PABPC1: variants seen among roughly 807,000 people sequenced by gnomAD.
The protein encoded by PABPC1 is poly(A) binding protein cytoplasmic 1, also known as polyadenylate-binding protein 1.
In PABPC1, 4 loss-of-function variants were observed where a neutral mutation model predicts 74.0. The ratio of observed to expected loss-of-function variants is 0.05; its 90% confidence interval spans 0.03 to 0.12. The LOEUF (loss-of-function observed/expected upper bound fraction) is 0.12, where lower values mean the gene tolerates loss of function less well. Among genes scored for constraint, PABPC1 ranks in the 10% least tolerant of loss-of-function variants. PABPC1 has a pLI of 1.00. For synonymous variants in PABPC1, 227 were observed against 264.1 expected, an observed-to-expected ratio of 0.86 and a Z score of 1.36; for missense variants, 271 against 821.1, an observed-to-expected ratio of 0.33 and a Z score of 8.19.
intron 12 of PABPC1, 80 bp from the exon 13 acceptor site, chr8:100,705,136 T>C (rs1810348056): frequency 8.8e-7 from 1 of 1,142,512 alleles, no homozygotes; most frequent in Non-Finnish European, 1.3e-6. Context: ...TAAACTGGGG[T>C]TTAAGAACCA....
chr8:100,716,275 C>T (rs1171587535), intron 3 of PABPC1, among the ~76,000 whole-genome samples: 1 of 152,122 alleles, frequency 6.6e-6, no homozygotes, highest in Non-Finnish European at 1.5e-5. Context: ...GTGGTGTACA[C>T]CTGTAATCCC....
At chr8:100,710,816 G>A (rs1328746814) in intron 7 of PABPC1, among the ~76,000 whole-genome samples, 4 of 151,468 alleles carry the variant, frequency 2.6e-5, no homozygotes, top group Admixed American at 6.6e-5. Flanking sequence ...GCGAAACCCC[G>A]TCTTTACTAA....
chr8:100,704,821 A>C (rs1810339299), intron 13 of PABPC1, 105 bp downstream of exon 13: 1 of 1,138,534 alleles, frequency 8.8e-7, no homozygotes, highest in African/African-American at 1.5e-5. Flanking sequence ...ACAACTGTAC[A>C]TGGCTTATAT....
chr8:100,715,377 T>A, intron 4 of PABPC1, 85 bp downstream of exon 4: 1 of 1,242,196 alleles, frequency 8.1e-7, no homozygotes, highest in South Asian at 1.7e-5. Context: ...TTTTATTGAC[T>A]TTTTTAGTAT....
rs1370777807 is a variant in PABPC1 at position 100,712,712 on chromosome 8, C to T, written c.816G>A (p.Arg272=). The change falls in exon 6 of 15, where the codon CGG becomes CGA. Residue 272 remains arginine, a synonymous_variant. Transcript: ENST00000318607. ...CAAATTTGCGCTTAAGTTCCGTCTG[C>T]CGTTCCACCTTTTTCTGAGCTCGAC... ...YVGRAQKKVE[R]QTELKRKFEQ... 2.5e-5 allele frequency: 35 copies of T among 1,424,254 alleles called. No individual in the cohort carries two copies. The highest frequency in any genetic ancestry group is 3.2e-5 in the Non-Finnish European group (34 of 1,058,402). The allele number at this position is 1,424,254 out of a possible 1,614,324, so 88.2% of individuals were successfully genotyped here.
At chr8:100,713,358 TAAG>T (rs1179786481) in intron 4 of PABPC1, among the ~76,000 whole-genome samples, 177 bp from the exon 5 acceptor site, 1 of 152,176 alleles carries the variant, frequency 6.6e-6, no homozygotes, top group Non-Finnish European at 1.5e-5. Context: ...CTTTTATTAT[TAAG>T]AAGGTAAACA....
chr8:100,708,469 T>A (rs1810440404), intron 9 of PABPC1, among the ~76,000 whole-genome samples: 1 of 152,058 alleles, frequency 6.6e-6, no homozygotes, highest in African/African-American at 2.4e-5. Context: ...AAATAAACTC[T>A]AAGTGCTCTT....
chr8:100,709,322 C>T (rs1563611164), intron 8 of PABPC1, 99 bp from the exon 9 acceptor site: 1 of 1,458,368 alleles, frequency 6.9e-7, no homozygotes. Flanking sequence ...CAGGACTTCA[C>T]ACTCAAGCAT....
At chr8:100,709,872 G>A (rs1810482688) in intron 7 of PABPC1, 141 bp from the exon 8 acceptor site, 1 of 973,478 alleles carries the variant, frequency 1.0e-6, no homozygotes, top group African/African-American at 1.7e-5. Flanking sequence ...TTTACCCATT[G>A]AGTTCACAAT....
chr8:100,707,137 C>G (rs1193868297), intron 9 of PABPC1, 140 bp from the exon 10 acceptor site: 5 of 591,754 alleles, frequency 8.4e-6, no homozygotes, highest in African/African-American at 1.9e-5. Context: ...TTAACACTTG[C>G]CATTTTCCCA....
intron 3 of PABPC1, among the ~76,000 whole-genome samples, chr8:100,717,320 G>GT (rs1810697231): frequency 6.6e-6 from 1 of 152,164 alleles, no homozygotes; most frequent in Admixed American, 6.5e-5. Context: ...TGTGAGTAAT[G>GT]TATGTCTCTC....
At chr8:100,713,056 C>G (rs1475159346) in intron 5 of PABPC1, 31 bp downstream of exon 5, 2 of 1,452,634 alleles carry the variant, frequency 1.4e-6, no homozygotes, top group Non-Finnish European at 1.9e-6. Flanking sequence ...ACTTTGTACC[C>G]CCTTCTTCCT....
At chr8:100,712,151 G>A (rs1810543475) in intron 7 of PABPC1, among the ~76,000 whole-genome samples, 1 of 152,160 alleles carries the variant, frequency 6.6e-6, no homozygotes, top group Admixed American at 6.6e-5. Context: ...ATCATGTGAG[G>A]ATATCAGCCT....
At chr8:100,715,099 T>A (rs552588766) in intron 4 of PABPC1, among the ~76,000 whole-genome samples, 1 of 150,764 alleles carries the variant, frequency 6.6e-6, no homozygotes, top group African/African-American at 2.5e-5. Context: ...AATATATGCT[T>A]CTGATGACAT....
At position 100,702,980 on chromosome 8, in the gene PABPC1, T is replaced by C. The variant is rs1810280763; in HGVS notation, c.*381A>G. 6.5e-6 allele frequency: 1 copy of C among 154,340 alleles called. No individual in the cohort carries two copies. The highest frequency in any genetic ancestry group is 1.5e-5 in the Non-Finnish European group (1 of 68,070). The allele number at this position is 154,340 out of a possible 1,614,324, so 9.6% of individuals were successfully genotyped here. On this transcript the variant is annotated 3_prime_UTR_variant, in exon 15 of 15. Transcript: ENST00000318607. ...ATCCAAATTACGTTTCCTTGCTCAG[T>C]TATCAATTCTGTTACTTAAAACAGA...
At chr8:100,704,746 C>G (rs531753682) in intron 13 of PABPC1, among the ~76,000 whole-genome samples, 180 bp downstream of exon 13, 1 of 152,194 alleles carries the variant, frequency 6.6e-6, no homozygotes, top group Non-Finnish European at 1.5e-5. Context: ...AATTATTCAG[C>G]CTGTTTCAGT....
intron 9 of PABPC1, 141 bp from the exon 10 acceptor site, chr8:100,707,138 C>T (rs1810401194): frequency 5.1e-6 from 3 of 592,522 alleles, no homozygotes; most frequent in Non-Finnish European, 9.0e-6. Flanking sequence ...TAACACTTGC[C>T]ATTTTCCCAG....
intron 7 of PABPC1, 111 bp from the exon 8 acceptor site, chr8:100,709,842 T>A: frequency 8.5e-7 from 1 of 1,177,424 alleles, no homozygotes; most frequent in Non-Finnish European, 1.2e-6. Context: ...TAAACCCTGT[T>A]AATGCTTAAT....
At chr8:100,707,939 G>A (rs538658794) in intron 9 of PABPC1, among the ~76,000 whole-genome samples, 2 of 152,318 alleles carry the variant, frequency 1.3e-5, no homozygotes, top group South Asian at 2.1e-4. Context: ...CAGAAGGCTC[G>A]CACTCTTGTC....
Sources: gnomAD v4.1 joint callset for allele counts (sites outside exome capture counted in the v4.1 genomes callset) on GRCh38, gnomAD v4.1.1 for gene constraint, MANE v1.5 for transcripts, NCBI Gene and HGNC (gene_info 2026-07-23, HGNC 2026-07-21) for gene names.